Variants in ARHGAP15 observed in about 807,000 individuals in gnomAD.
ARHGAP15 encodes rho GTPase-activating protein 15.
A neutral mutation model predicts 63.7 loss-of-function variants in ARHGAP15; 51 were observed. The observed-to-expected ratio is 0.80, with a 90% CI of 0.64 to 1.01. The LOEUF (loss-of-function observed/expected upper bound fraction) is 1.01. Ranked by LOEUF, ARHGAP15 falls within the 50% of genes least tolerant of loss-of-function variation. ARHGAP15 has a pLI of 0.00. For synonymous variants in ARHGAP15, 191 were observed against 193.8 expected, an observed-to-expected ratio of 0.99 and a Z score of 0.12; for missense variants, 560 against 564.6, an observed-to-expected ratio of 0.99 and a Z score of 0.08.
intron 6 of ARHGAP15, among the ~76,000 whole-genome samples, chr2:143,346,220 T>TCTCACA (rs201454435): frequency 8.0e-5 from 10 of 124,926 alleles, no homozygotes; most frequent in Admixed American, 4.1e-4. Context: ...ACACTCTCTC[T>TCTCACA]CACACACACT....
At chr2:143,509,667 T>C (rs1200976813) in intron 9 of ARHGAP15, among the ~76,000 whole-genome samples, 1 of 152,114 alleles carries the variant, frequency 6.6e-6, no homozygotes, top group Non-Finnish European at 1.5e-5. Context: ...ATGGGGCTCA[T>C]GTCGTGAGCA....
At chr2:143,667,596 A>G (rs1339840697) in intron 12 of ARHGAP15, among the ~76,000 whole-genome samples, 1 of 151,616 alleles carries the variant, frequency 6.6e-6, no homozygotes, top group African/African-American at 2.4e-5. Context: ...AAAAAAAAAA[A>G]AAAAAAAGAA....
intron 6 of ARHGAP15, among the ~76,000 whole-genome samples, chr2:143,345,423 TA>T (rs1057097300): frequency 4.6e-5 from 7 of 152,150 alleles, no homozygotes; most frequent in African/African-American, 1.7e-4. Context: ...AAATCATTTT[TA>T]TGTGCAACTT....
Position 143,155,669 on chromosome 2 carries a change from C to A in ARHGAP15, c.165+14C>A. ...GTCACTGAACCTGTAAGTCAAATAC[C>A]CCAAATATCCCAAGTTCCTTGTCAT... is the stretch of plus-strand genomic sequence containing the variant. On this transcript the variant is annotated intron_variant, in intron 2 of 13. Coordinates refer to ENST00000295095, the MANE Select transcript of ARHGAP15 (RefSeq NM_018460.4). The A allele has an allele frequency of 6.5e-7, 1 of 1,533,478 alleles. No individual in the cohort carries two copies. Among genetic ancestry groups the A allele is most frequent in the Non-Finnish European group, 8.7e-7 (1 of 1,145,724 alleles). The allele number at this position is 1,533,478 out of a possible 1,614,324, so 95.0% of individuals were successfully genotyped here.
intron 12 of ARHGAP15, chr2:143,676,223 G>C (rs1480829238): frequency 2.6e-5 from 4 of 152,262 alleles, no homozygotes; most frequent in Non-Finnish European, 5.9e-5. Context: ...TTAAGGGAAT[G>C]TTGTGGCTGC....
At chr2:143,618,713 A>C (rs1698537706) in intron 11 of ARHGAP15, among the ~76,000 whole-genome samples, 1 of 152,232 alleles carries the variant, frequency 6.6e-6, no homozygotes, top group African/African-American at 2.4e-5. Flanking sequence ...GCATATTTCA[A>C]AAAAGACTAG....
intron 10 of ARHGAP15, among the ~76,000 whole-genome samples, chr2:143,540,266 A>C (rs1179106405): frequency 3.9e-5 from 6 of 152,190 alleles, no homozygotes; most frequent in Middle Eastern, 3.4e-3. Flanking sequence ...TTTTGAGCCT[A>C]TATGTGTGTC....
chr2:143,363,468 C>A lies in ARHGAP15; in HGVS notation c.475-72133C>A, dbSNP rs1054443208. On this transcript the variant is annotated intron_variant, in intron 6 of 13. Transcript: ENST00000295095. ...CGAGATTGAGCCACTGCACTCTGGC[C>A]TGGATAACAGAGCAAGACTCTGTCT... is the stretch of plus-strand genomic sequence containing the variant. 2.3e-4 allele frequency among the ~76,000 whole-genome samples: 35 copies of A among 152,150 alleles called. 1 individual carries two copies. The highest frequency in any genetic ancestry group is 6.5e-4 in the Admixed American group (10 of 15,276).
At chr2:143,673,752 GTGTGTGTATATATATATATATA>G (rs1260456261) in intron 12 of ARHGAP15, among the ~76,000 whole-genome samples, 3 of 32,920 alleles carry the variant, frequency 9.1e-5, no homozygotes, top group African/African-American at 1.4e-4. Context: ...GTGTGTGTGT[GTGTGTGTATATATATATATATA>G]TATATATATA....
chr2:143,329,808 CACTA>C lies in ARHGAP15; in HGVS notation c.474+79212_474+79215del, dbSNP rs1460643554. On this transcript the variant is annotated intron_variant, in intron 6 of 13. Transcript: ENST00000295095. Reference sequence around the variant, plus strand: ...CCCCTCCGTAGTTCAGCAGTAGCATCACTAACTTAGAGTTTTAATTGCAAAACTT... The same window carrying C: ...CCCCTCCGTAGTTCAGCAGTAGCATCACTTAGAGTTTTAATTGCAAAACTT... Among the ~76,000 whole-genome samples, 5 of 151,598 alleles carry C rather than the reference CACTA, an allele frequency of 3.3e-5. No individual in the cohort carries two copies. In the East Asian group the frequency reaches 9.7e-4, roughly 29 times the overall value.
chr2:143,702,444 C>A (rs182845079), intron 12 of ARHGAP15, among the ~76,000 whole-genome samples: 11 of 151,906 alleles, frequency 7.2e-5, no homozygotes, highest in African/African-American at 2.7e-4. Context: ...TATTTTAAAG[C>A]AAAAACAAAA....
intron 11 of ARHGAP15, among the ~76,000 whole-genome samples, chr2:143,606,261 T>TA (rs1698025408): frequency 1.3e-5 from 2 of 152,140 alleles, no homozygotes; most frequent in African/African-American, 2.4e-5. Flanking sequence ...AAGCCTTGGC[T>TA]CTCCTATTCA....
At chr2:143,681,402 G>C (rs1683094854) in intron 12 of ARHGAP15, among the ~76,000 whole-genome samples, 1 of 152,174 alleles carries the variant, frequency 6.6e-6, no homozygotes, top group East Asian at 1.9e-4. Context: ...GTAAAATGAG[G>C]AGACTGGATT....
intron 6 of ARHGAP15, among the ~76,000 whole-genome samples, chr2:143,417,884 GA>G (rs1236784494): frequency 6.6e-6 from 1 of 152,184 alleles, no homozygotes; most frequent in East Asian, 1.9e-4. Context: ...GATTGTTTAT[GA>G]AGAGTTTATA....
At chr2:143,477,237 C>A (rs1435179257) in intron 8 of ARHGAP15, among the ~76,000 whole-genome samples, 1 of 151,462 alleles carries the variant, frequency 6.6e-6, no homozygotes, top group Non-Finnish European at 1.5e-5. Context: ...TATACAGCAG[C>A]TAAGGGTCTA....
At chr2:143,382,102 CTTTCCTTCCT>C (rs1687083065) in intron 6 of ARHGAP15, among the ~76,000 whole-genome samples, 1 of 142,964 alleles carries the variant, frequency 7.0e-6, no homozygotes, top group East Asian at 2.1e-4. Flanking sequence ...TCCTCCCTCC[CTTTCCTTCCT>C]TCCTCCCTCC....
chr2:143,274,507 A>G (rs370779317), intron 6 of ARHGAP15, among the ~76,000 whole-genome samples: 1 of 152,220 alleles, frequency 6.6e-6, no homozygotes, highest in African/African-American at 2.4e-5. Context: ...GAAATGTTCA[A>G]TGGTGCCTGG....
intron 13 of ARHGAP15, among the ~76,000 whole-genome samples, chr2:143,725,799 T>C (rs1685246950): frequency 1.3e-5 from 2 of 152,252 alleles, no homozygotes; most frequent in Admixed American, 1.3e-4. Context: ...GGTAACTCAT[T>C]AATGCCGGTG....
chr2:143,336,077 G>A (rs1305454191), intron 6 of ARHGAP15, among the ~76,000 whole-genome samples: 5 of 151,884 alleles, frequency 3.3e-5, no homozygotes, highest in East Asian at 1.9e-4. Flanking sequence ...CAATGCTCAC[G>A]GCAGCCTCGA....
Sources: allele counts gnomAD v4.1 joint callset (sites outside exome capture counted in the v4.1 genomes callset), GRCh38; gene constraint gnomAD v4.1.1; transcripts MANE v1.5; gene names NCBI Gene and HGNC (gene_info 2026-07-23, HGNC 2026-07-21).